Variants in CSPG4 observed in about 807,000 individuals in gnomAD.
CSPG4 encodes chondroitin sulfate proteoglycan 4, also known as chondroitin sulfate proteoglycan 4 (melanoma-associated).
Under a neutral mutation model 139.3 loss-of-function variants are expected in CSPG4, and 74 were observed. The observed-to-expected ratio is 0.53, with a 90% CI of 0.44 to 0.64. CSPG4 has a LOEUF of 0.64. Ranked by LOEUF, CSPG4 falls within the 30% of genes least tolerant of loss-of-function variation. The pLI is 0.00. For synonymous variants in CSPG4, 1,234 were observed against 1,394.2 expected, an observed-to-expected ratio of 0.89 and a Z score of 2.56; for missense variants, 2,565 against 3,148.3, an observed-to-expected ratio of 0.81 and a Z score of 4.43.
Position 75,676,224 on chromosome 15 carries a change from G to T in CSPG4, c.6295C>A (p.Arg2099=). The change falls in exon 10 of 10, where the codon CGA becomes AGA. Residue 2099 remains arginine (R), a synonymous_variant. Transcript: ENST00000308508. ...CTGCCCCCGGGCTCCGTCCTGGCTC[G>T]GGGCACGCGGACCACGCGGCCATGC... ...PRHGRVVRVP[R]ARTEPGGSQL... 1 of 1,551,864 alleles carries T rather than the reference G, an allele frequency of 6.4e-7. No individual in the cohort carries two copies. The highest frequency in any genetic ancestry group is 8.7e-7 in the Non-Finnish European group (1 of 1,155,532).
At position 75,682,923 on chromosome 15, in the gene CSPG4, A is replaced by G; in HGVS notation, c.4568T>C (p.Leu1523Pro). ...IEQPSNGRVV[L>P]RGAPGTEVRS... is the part of the protein sequence containing the mutation. Reference sequence around the variant, plus strand: ...CACCTCAGTGCCCGGCGCCCCCCGCAGCACTACCCGCCCGTTGCTGGGCTG... The same window carrying G: ...CACCTCAGTGCCCGGCGCCCCCCGCGGCACTACCCGCCCGTTGCTGGGCTG... The change falls in exon 6 of 10, where the codon CTG (leucine) becomes CCG (proline). Residue 1523 changes from leucine (L) to proline (P), a missense_variant. Physicochemically the swap from Leu to Pro is moderately conservative, Grantham distance 98. This residue lies in a region of CSPG4 where 2,316 missense variants were observed against 2,818.2 expected (regional missense o/e 0.82). Coordinates refer to ENST00000308508, the MANE Select transcript of CSPG4 (RefSeq NM_001897.5). The G allele has an allele frequency of 5.6e-6, 9 of 1,611,226 alleles. No individual in the cohort carries two copies. The highest frequency in any genetic ancestry group is 4.4e-5 in the South Asian group (4 of 90,982).
At chr15:75,691,601 G>C (rs1270591369) in intron 2 of CSPG4, among the ~76,000 whole-genome samples, 1 of 152,128 alleles carries the variant, frequency 6.6e-6, no homozygotes, top group Admixed American at 6.5e-5. Flanking sequence ...TTCAGGAATA[G>C]GCTAATTTTT....
chr15:75,676,458 G>C lies in CSPG4; in HGVS notation c.6061C>G (p.His2021Asp), dbSNP rs376942486. The change falls in exon 10 of 10, where the codon CAT (histidine) becomes GAT (aspartate). Residue 2021 changes from histidine to aspartate, a missense_variant. His to Asp is a moderately conservative substitution (Grantham distance 81, BLOSUM62 -1). This residue lies in a region of CSPG4 where 2,316 missense variants were observed against 2,818.2 expected (regional missense o/e 0.82). Coordinates refer to ENST00000308508, the MANE Select transcript of CSPG4 (RefSeq NM_001897.5). Reference sequence around the variant, plus strand: ...AGTGCCAGGACTCTGAAGTGGTCATGAGAGGAGGAGAAGTTGGTGAAGGCA... The same window carrying C: ...AGTGCCAGGACTCTGAAGTGGTCATCAGAGGAGGAGAAGTTGGTGAAGGCA... Reference protein sequence around the residue: ...VFAFTNFSSSHDHFRVLALAR... With the variant: ...VFAFTNFSSSDDHFRVLALAR... The C allele has an allele frequency of 6.2e-7, 1 of 1,613,918 alleles. No homozygotes were observed. Among genetic ancestry groups the C allele is most frequent in the African/African-American group, 1.3e-5 (1 of 74,958 alleles).
At chr15:75,692,496 C>T (rs1894177880) in intron 2 of CSPG4, among the ~76,000 whole-genome samples, 1 of 152,260 alleles carries the variant, frequency 6.6e-6, no homozygotes, top group Non-Finnish European at 1.5e-5. Flanking sequence ...AGCCACAAGA[C>T]TCCTTGCTAA....
chr15:75,687,683 G>C lies in CSPG4; in HGVS notation c.3382C>G (p.Arg1128Gly), dbSNP rs765420925. The change falls in exon 3 of 10, where the codon CGT becomes GGT. Residue 1128 changes from arginine (R) to glycine (G), a missense_variant. This residue lies in a region of CSPG4 where 2,316 missense variants were observed against 2,818.2 expected (regional missense o/e 0.82). Transcript: ENST00000308508. This position sits in a 1 kb window ranked among gnomAD's most constrained non-coding sequence, Gnocchi z 5.4. ...ACAAGGCTGGAGCCGTTGGCCACACGGAGGTAGGGTTCCGAGGCCTGCACC... is the reference window on the plus strand; with the variant it reads ...ACAAGGCTGGAGCCGTTGGCCACACCGAGGTAGGGTTCCGAGGCCTGCACC... ...LEVQASEPYLRVANGSSLVVP... is the reference protein window; with the variant it reads ...LEVQASEPYLGVANGSSLVVP... 1.9e-5 allele frequency: 30 copies of C among 1,612,824 alleles called. No homozygotes were observed. Among genetic ancestry groups the C allele is most frequent in the Non-Finnish European group, 2.5e-5 (29 of 1,179,984 alleles).
At position 75,685,364 on chromosome 15, in the gene CSPG4, G is replaced by A. The variant is rs375081442; in HGVS notation, c.4127C>T (p.Ala1376Val). 6.2e-6 allele frequency: 10 copies of A among 1,610,120 alleles called. No homozygotes were observed. Among genetic ancestry groups the A allele is most frequent in the South Asian group, 1.1e-5 (1 of 90,722 alleles). ...SVPEGGSLTL[A>V]PPLLRVSGPY... ...CCCGGAGACACGGAGCAGTGGAGGG[G>A]CCAGGGTGAGGCTGCCACCCTCAGG... The change falls in exon 4 of 10, where the codon GCC (alanine) becomes GTC (valine). Residue 1376 changes from alanine to valine, a missense_variant. Transcript: ENST00000308508.
intron 1 of CSPG4, among the ~76,000 whole-genome samples, chr15:75,705,778 C>T (rs1894361315): frequency 6.6e-6 from 1 of 152,146 alleles, no homozygotes; most frequent in Non-Finnish European, 1.5e-5. Flanking sequence ...CAGCTGCTCG[C>T]AGACTCCCAA....
In CSPG4 at chr15:75,712,655, G is replaced by A; in HGVS notation, c.88+13C>T. On this transcript the variant is annotated intron_variant, in intron 1 of 9. Transcript: ENST00000308508. ...CCGCCAGGCTGGGTCGGGGTCTCAGGCCCCTCACTCACCCGCGGATGCAAG... is the reference window on the plus strand; with the variant it reads ...CCGCCAGGCTGGGTCGGGGTCTCAGACCCCTCACTCACCCGCGGATGCAAG... 3.9e-6 allele frequency: 6 copies of A among 1,553,222 alleles called. No individual in the cohort carries two copies. The highest frequency in any genetic ancestry group is 5.2e-6 in the Non-Finnish European group (6 of 1,148,386).
chr15:75,692,943 T>G (rs1347457412), intron 2 of CSPG4, 127 bp downstream of exon 2: 3 of 598,208 alleles, frequency 5.0e-6, no homozygotes, highest in Non-Finnish European at 9.0e-6. Context: ...CATCCCACAG[T>G]GGAGAACTTA....
At chr15:75,711,164 C>T (rs1198325219) in intron 1 of CSPG4, among the ~76,000 whole-genome samples, 5 of 150,478 alleles carry the variant, frequency 3.3e-5, no homozygotes, top group Non-Finnish European at 7.5e-5. Context: ...GTTTGAGGCC[C>T]ACCCTGTGTC....
chr15:75,703,529 G>A (rs907216332), intron 1 of CSPG4, among the ~76,000 whole-genome samples: 4 of 152,100 alleles, frequency 2.6e-5, no homozygotes, highest in Admixed American at 6.5e-5. Context: ...GAGACCCTCC[G>A]TTCCCGGCAG....
rs368021207 is a variant in CSPG4, at chr15:75,683,328, G to A, written c.4450-287C>T. Among the ~76,000 whole-genome samples, 51 of 152,274 alleles carry A rather than the reference G, an allele frequency of 3.3e-4. 1 individual carries two copies. Among genetic ancestry groups the A allele is most frequent in the African/African-American group, 1.2e-3 (51 of 41,550 alleles). On this transcript the variant is annotated intron_variant, in intron 5 of 9. Coordinates refer to ENST00000308508, the MANE Select transcript of CSPG4 (RefSeq NM_001897.5). ...AGGCCAGCTTATGTCCCCTACCCAG[G>A]AAGGCCCCAGCTCTTACCCTCACCA...
At chr15:75,686,568 C>T (rs1894062009) in intron 3 of CSPG4, among the ~76,000 whole-genome samples, 1 of 152,094 alleles carries the variant, frequency 6.6e-6, no homozygotes, top group African/African-American at 2.4e-5. Flanking sequence ...GAATACCACT[C>T]CCCATTCTCT....
chr15:75,708,662 G>C (rs193204953), intron 1 of CSPG4, among the ~76,000 whole-genome samples: 1 of 152,196 alleles, frequency 6.6e-6, no homozygotes, highest in African/African-American at 2.4e-5. Flanking sequence ...AGAACACCAC[G>C]GCCTGTGTGC....
At position 75,682,672 on chromosome 15, in the gene CSPG4, C is replaced by T. The variant is rs752045565; in HGVS notation, c.4718G>A (p.Arg1573Gln). 7.4e-6 allele frequency: 12 copies of T among 1,613,002 alleles called. No homozygotes were observed. In the Admixed American group the frequency reaches 1.2e-4, roughly 16 times the overall value. The change falls in exon 7 of 10, where the codon CGA becomes CAA. Residue 1573 changes from arginine to glutamine, a missense_variant. By Grantham distance (43) the Arg-to-Gln change is conservative. Transcript: ENST00000308508. The part of the protein sequence containing the change: ...GEHTSPGHFF[R>Q]VTAQKQVLLS... ...GAGCACTTGCTTCTGGGCCGTCACT[C>T]GGAAGAAGTGTCCGGGGGAAGTGTG...
intron 1 of CSPG4, among the ~76,000 whole-genome samples, chr15:75,706,972 T>A (rs1021309875): frequency 7.3e-6 from 1 of 137,196 alleles, no homozygotes; most frequent in African/African-American, 2.8e-5. Context: ...TTTTTTTTTT[T>A]AGATGAACCC....
rs1894257760 is a variant in CSPG4, at chr15:75,698,486, C to T, written c.89-5253G>A. On this transcript the variant is annotated intron_variant, in intron 1 of 9. Transcript: ENST00000308508. The surrounding 1 kb of genome is among the most constrained non-coding windows in gnomAD (Gnocchi z 4.3). Reference sequence around the variant, plus strand: ...TCCCCTTGCACCTCCAAGGGACTCCCCGATTTTACTTCCGCCACCAATCTA... The same window carrying T: ...TCCCCTTGCACCTCCAAGGGACTCCTCGATTTTACTTCCGCCACCAATCTA... Among the ~76,000 whole-genome samples, 1 of 151,978 alleles carries T rather than the reference C, an allele frequency of 6.6e-6. No homozygotes were observed. Among genetic ancestry groups the T allele is most frequent in the Admixed American group, 6.6e-5 (1 of 15,262 alleles).
chr15:75,684,048 G>A (rs1444426232), intron 5 of CSPG4, among the ~76,000 whole-genome samples: 1 of 139,344 alleles, frequency 7.2e-6, no homozygotes, highest in Admixed American at 7.0e-5. Context: ...CCCGCCCCAG[G>A]CACCCCATGC....
Position 75,688,096 on chromosome 15 carries a change from C to A in CSPG4, c.2969G>T (p.Arg990Leu). ...TEDDIPFVATRQGESSGDMAW... is the reference protein window; with the variant it reads ...TEDDIPFVATLQGESSGDMAW... ...CATGTCACCACTGCTCTCGCCCTGG[C>A]GGGTAGCAACAAATGGGATATCATC... is the stretch of plus-strand genomic sequence containing the variant. Residue 990 changes from arginine (R) to leucine (L), a missense_variant, in exon 3 of 10, where the codon CGC becomes CTC. By Grantham distance (102) the Arg-to-Leu change is moderately radical (BLOSUM62 -2). Transcript: ENST00000308508. 6.2e-7 allele frequency: 1 copy of A among 1,612,840 alleles called. No individual in the cohort carries two copies. The highest frequency in any genetic ancestry group is 8.5e-7 in the Non-Finnish European group (1 of 1,179,878).
Sources: allele counts gnomAD v4.1 joint callset (sites outside exome capture counted in the v4.1 genomes callset), GRCh38; gene constraint gnomAD v4.1.1; regional missense constraint gnomAD v4.1.1; non-coding constraint Gnocchi (gnomAD v3.1); transcripts MANE v1.5; gene names NCBI Gene and HGNC (gene_info 2026-07-23, HGNC 2026-07-21).